The following ULK4 variants were observed in gnomAD, a reference collection of about 807,000 sequenced individuals.
ULK4 encodes the protein unc-51 like kinase 4.
ULK4 carries 133 observed loss-of-function variants against 160.6 expected under a neutral mutation model. The ratio of observed to expected loss-of-function variants is 0.83; its 90% confidence interval spans 0.72 to 0.96. The LOEUF (loss-of-function observed/expected upper bound fraction) is 0.96. Ranked by LOEUF, ULK4 falls within the 40% of genes least tolerant of loss-of-function variation. The pLI is 0.00. For missense variants in ULK4, 1,580 were observed against 1,499.5 expected, an observed-to-expected ratio of 1.05 and a Z score of -0.89; for synonymous variants, 534 against 539.8, an observed-to-expected ratio of 0.99 and a Z score of 0.15.
intron 31 of ULK4, among the ~76,000 whole-genome samples, chr3:41,606,162 TCAA>T (rs1559428123): frequency 6.6e-6 from 1 of 151,526 alleles, no homozygotes; most frequent in African/African-American, 2.4e-5. Flanking sequence ...CTCAAGCCAA[TCAA>T]CTAAGCTTCT....
At chr3:41,475,268 T>C (rs941998647) in intron 32 of ULK4, among the ~76,000 whole-genome samples, 3 of 152,156 alleles carry the variant, frequency 2.0e-5, no homozygotes, top group African/African-American at 4.8e-5. Context: ...TGTTCTCATA[T>C]ACATAACATC....
At chr3:41,933,542 C>T (rs1266487323) in intron 4 of ULK4, among the ~76,000 whole-genome samples, 1 of 152,122 alleles carries the variant, frequency 6.6e-6, no homozygotes, top group Non-Finnish European at 1.5e-5. Flanking sequence ...TGTTCTAGAA[C>T]ACAAGTTTAG....
chr3:41,515,192 G>A (rs892785529), intron 32 of ULK4, among the ~76,000 whole-genome samples: 2 of 151,998 alleles, frequency 1.3e-5, no homozygotes, highest in African/African-American at 4.8e-5. Context: ...GGGAGGTGGA[G>A]GTTGCAGTGA....
chr3:41,305,796 A>G (rs1478383141), intron 35 of ULK4, among the ~76,000 whole-genome samples: 1 of 140,940 alleles, frequency 7.1e-6, no homozygotes, highest in Non-Finnish European at 1.5e-5. Flanking sequence ...CCCGGCCGCC[A>G]TCACATCTAG....
At chr3:41,379,338 T>C (rs1348140885) in intron 35 of ULK4, among the ~76,000 whole-genome samples, 2 of 152,298 alleles carry the variant, frequency 1.3e-5, no homozygotes, top group Middle Eastern at 3.4e-3. Context: ...GGAGGCAGAA[T>C]AATTTGAAAT....
chr3:41,525,647 T>C (rs554984690), intron 32 of ULK4, among the ~76,000 whole-genome samples: 3 of 152,240 alleles, frequency 2.0e-5, no homozygotes, highest in Non-Finnish European at 4.4e-5. Context: ...CATCAAATAC[T>C]CCTTTCCCTG....
chr3:41,654,584 G>C (rs1220718462), intron 30 of ULK4, among the ~76,000 whole-genome samples: 1 of 152,112 alleles, frequency 6.6e-6, no homozygotes, highest in Non-Finnish European at 1.5e-5. Context: ...TAAAATCAAG[G>C]CAGAGAGAAA....
intron 17 of ULK4, chr3:41,859,225 A>G: frequency 1.9e-6 from 1 of 534,574 alleles, no homozygotes. Flanking sequence ...CTGATGTTTA[A>G]GGCAACTAAT....
At chr3:41,283,893 C>G (rs1207231192) in intron 35 of ULK4, among the ~76,000 whole-genome samples, 2 of 151,948 alleles carry the variant, frequency 1.3e-5, no homozygotes, top group African/African-American at 4.8e-5. Context: ...AAATCAGTAG[C>G]TCTTCTATAC....
At chr3:41,275,366 TG>T (rs1278404350) in intron 35 of ULK4, among the ~76,000 whole-genome samples, 1 of 152,232 alleles carries the variant, frequency 6.6e-6, no homozygotes, top group East Asian at 1.9e-4. Context: ...GTATGGGTTT[TG>T]CTTTTGAAAG....
chr3:41,399,625 G>A (rs2082136842), intron 34 of ULK4, among the ~76,000 whole-genome samples: 1 of 152,042 alleles, frequency 6.6e-6, no homozygotes, highest in African/African-American at 2.4e-5. Context: ...CCAGGCTGGA[G>A]TGCAGTGGTA....
chr3:41,279,272 A>C (rs910105292), intron 35 of ULK4, among the ~76,000 whole-genome samples: 10 of 146,460 alleles, frequency 6.8e-5, no homozygotes, highest in African/African-American at 2.1e-4. Context: ...AAAAAAAAAA[A>C]AAACAAAACG....
chr3:41,663,892 G>T (rs532764527), intron 29 of ULK4, among the ~76,000 whole-genome samples, 193 bp from the exon 30 acceptor site: 3 of 152,134 alleles, frequency 2.0e-5, no homozygotes, highest in African/African-American at 7.2e-5. Context: ...ATTGAAATAA[G>T]AGAATAAACC....
chr3:41,483,934 C>A lies in ULK4; in HGVS notation c.3227-20681G>T, dbSNP rs1257232589. Among the ~76,000 whole-genome samples the A allele has an allele frequency of 3.3e-5, 5 of 152,156 alleles. No homozygotes were observed. The South Asian group carries it at 8.3e-4, about 25-fold the overall frequency. On this transcript the variant is annotated intron_variant, in intron 32 of 36. Transcript: ENST00000301831. ...AATGCAGGGGGCCTCTGAGGCTATT[C>A]AGCTTGGTTTTCCAAGGCAAGGAAA...
chr3:41,431,676 G>A (rs972378634), intron 34 of ULK4, among the ~76,000 whole-genome samples: 1 of 150,834 alleles, frequency 6.6e-6, no homozygotes, highest in African/African-American at 2.4e-5. Context: ...AACTGAATCA[G>A]AAATGCCCTA....
rs143962072 is a variant in ULK4 at position 41,601,028 on chromosome 3, AATAAG to A, written c.3120+14636_3120+14640del. On this transcript the variant is annotated intron_variant, in intron 31 of 36. Transcript: ENST00000301831. ...GAACAAGACCCTTATTTAAAAAACG[AATAAG>A]ATGTTTTATAAAACAATATAATAGA... is the stretch of plus-strand genomic sequence containing the variant. Among the ~76,000 whole-genome samples the A allele has an allele frequency of 1.5e-3, 231 of 152,348 alleles. 1 individual carries two copies. Among genetic ancestry groups the A allele is most frequent in the African/African-American group, 5.5e-3 (228 of 41,580 alleles).
intron 1 of ULK4, chr3:41,955,398 C>T (rs1700447749): frequency 6.6e-6 from 1 of 152,218 alleles, no homozygotes; most frequent in African/African-American, 2.4e-5. Flanking sequence ...CCCAGCATTC[C>T]GTGCGGTCGG....
intron 19 of ULK4, among the ~76,000 whole-genome samples, chr3:41,818,642 G>A (rs1239916448): frequency 1.3e-5 from 2 of 152,086 alleles, no homozygotes; most frequent in African/African-American, 2.4e-5. Context: ...AAAACCTCAG[G>A]GAGTTTTTCT....
At chr3:41,350,417 G>T (rs1292556687) in intron 35 of ULK4, among the ~76,000 whole-genome samples, 1 of 152,068 alleles carries the variant, frequency 6.6e-6, no homozygotes, top group Non-Finnish European at 1.5e-5. Flanking sequence ...TCTTTATAAA[G>T]AATTATATAT....
Sources: allele counts gnomAD v4.1 joint callset (sites outside exome capture counted in the v4.1 genomes callset), GRCh38; gene constraint gnomAD v4.1.1; transcripts MANE v1.5; gene names NCBI Gene and HGNC (gene_info 2026-07-23, HGNC 2026-07-21).